Variants in RSPH14 observed in about 807,000 individuals in gnomAD.
RSPH14 encodes rhabdoid tumor deletion region gene 1.
In RSPH14, 20 loss-of-function variants were observed where a neutral mutation model predicts 26.7. The observed-to-expected ratio is 0.75, with a 90% CI of 0.53 to 1.09. RSPH14 has a LOEUF of 1.09. Ranked by LOEUF, RSPH14 falls within the 50% of genes least tolerant of loss-of-function variation. RSPH14 has a pLI of 0.00. For missense variants in RSPH14, 449 were observed against 457.2 expected (o/e 0.98, Z 0.16); for synonymous variants, 177 against 189.3 (o/e 0.93, Z 0.53).
chr22:23,065,404 C>A (rs2068184853), intron 4 of RSPH14, among the ~76,000 whole-genome samples: 1 of 152,080 alleles, frequency 6.6e-6, no homozygotes, highest in Non-Finnish European at 1.5e-5. Context: ...CCCTGGCCAG[C>A]TTCTCACTGT....
chr22:23,156,466 G>T, the RSPH14 span, among the ~76,000 whole-genome samples: 1 of 152,190 alleles, frequency 6.6e-6, no homozygotes, highest in African/African-American at 2.4e-5. Context: ...GGCCAGCAGG[G>T]CCGGATGCTC....
In RSPH14 at chr22:23,138,883, T is replaced by C. The variant is rs1392882503; in HGVS notation, c.259A>G (p.Thr87Ala). 6.4e-7 allele frequency: 1 copy of C among 1,550,482 alleles called. No individual in the cohort carries two copies. Among genetic ancestry groups the C allele is most frequent in the African/African-American group, 1.4e-5 (1 of 72,610 alleles). ...KDSNSMVRIK[T>A]TEVLHITASH... Reference sequence around the variant, plus strand: ...GCCGTGATGTGGAGCACCTCGGTGGTCTTTATGCGCACCATACTGTTGCTA... The same window carrying C: ...GCCGTGATGTGGAGCACCTCGGTGGCCTTTATGCGCACCATACTGTTGCTA... The change falls in exon 3 of 7, where the codon ACC becomes GCC. Residue 87 changes from threonine to alanine, a missense_variant. By Grantham distance (58) the Thr-to-Ala change is moderately conservative. Coordinates refer to ENST00000216036, the MANE Select transcript of RSPH14 (RefSeq NM_014433.3).
the RSPH14 span, chr22:23,180,591 C>CGGCGGCGGCGGCGGCGGCGGCGGCG: frequency 7.3e-5 from 2 of 27,550 alleles, no homozygotes; most frequent in African/African-American, 3.3e-3. Context: ...GCGGCGGCGG[C>CGGCGGCGGCGGCGGCGGCGGCGGCG]ACGGCGGCGG....
intron 4 of RSPH14, among the ~76,000 whole-genome samples, chr22:23,121,673 C>T (rs2070027682): frequency 6.6e-6 from 1 of 151,586 alleles, no homozygotes; most frequent in Non-Finnish European, 1.5e-5. Flanking sequence ...GCAGTTACCA[C>T]TTGCATTACC....
At chr22:23,172,211 G>C in the RSPH14 span, among the ~76,000 whole-genome samples, 5 of 152,186 alleles carry the variant, frequency 3.3e-5, no homozygotes, top group Admixed American at 2.6e-4. Context: ...TTTTCAGACA[G>C]CGTCTGGTTC....
intron 4 of RSPH14, among the ~76,000 whole-genome samples, chr22:23,065,442 CCT>C (rs1381893834): frequency 6.2e-5 from 9 of 146,064 alleles, no homozygotes; most frequent in Non-Finnish European, 3.0e-5. Context: ...CTAGATCTGC[CCT>C]GTTTGTTCTC....
chr22:23,105,520 C>T (rs947549019), intron 4 of RSPH14, among the ~76,000 whole-genome samples: 11 of 152,204 alleles, frequency 7.2e-5, no homozygotes, highest in Non-Finnish European at 1.3e-4. Context: ...GCAGTGCCAG[C>T]GGCTAGGAGT....
rs545890578 is a variant in RSPH14, at chr22:23,141,955, C to G, written c.-59G>C. ...CCCACCACCGCCGCCTCACCTGCCT[C>G]CGCAGCCCTTTCTGCTTCCAGTAGC... On this transcript the variant is annotated 5_prime_UTR_variant, in exon 1 of 7. Coordinates refer to ENST00000216036, the MANE Select transcript of RSPH14 (RefSeq NM_014433.3). The G allele has an allele frequency of 1.8e-5, 18 of 985,690 alleles. No individual in the cohort carries two copies. In the African/African-American group the frequency reaches 3.0e-4, roughly 16 times the overall value. 61.1% of individuals were successfully genotyped at this position (985,690 alleles called of 1,614,324 possible).
chr22:23,160,963 G>A, the RSPH14 span: 2 of 1,613,260 alleles, frequency 1.2e-6, no homozygotes, highest in South Asian at 2.2e-5. Context: ...AGGCAGAGCA[G>A]TGCCCGGCTC....
At chr22:23,129,138 A>G (rs2070249161) in intron 4 of RSPH14, among the ~76,000 whole-genome samples, 1 of 152,002 alleles carries the variant, frequency 6.6e-6, no homozygotes. Context: ...GAGGCCCATG[A>G]AGGACACCAC....
At chr22:23,060,744 C>T (rs2146204320) in intron 6 of RSPH14, among the ~76,000 whole-genome samples, 1 of 152,270 alleles carries the variant, frequency 6.6e-6, no homozygotes, top group African/African-American at 2.4e-5. Context: ...TGTGTTTGCC[C>T]CACCCATGCT....
chr22:23,176,401 A>C, the RSPH14 span, among the ~76,000 whole-genome samples: 1 of 152,216 alleles, frequency 6.6e-6, no homozygotes, highest in East Asian at 1.9e-4. Context: ...TGCTTGATAC[A>C]CCGCTTCCTT....
the RSPH14 span, chr22:23,159,031 C>G: frequency 6.3e-7 from 1 of 1,594,384 alleles, no homozygotes; most frequent in Non-Finnish European, 8.6e-7. Context: ...AATGCCTCCC[C>G]TTACAGCCCT....
intron 4 of RSPH14, among the ~76,000 whole-genome samples, chr22:23,130,494 G>GAAAGAAAGAA (rs1555939819): frequency 6.5e-4 from 6 of 9,266 alleles, no homozygotes; most frequent in Non-Finnish European, 2.3e-4. Context: ...AAGAAGGAAA[G>GAAAGAAAGAA]AAAAAGAAAG....
the RSPH14 span, chr22:23,162,397 C>T: frequency 2.9e-6 from 1 of 347,658 alleles, no homozygotes; most frequent in South Asian, 2.2e-5. Flanking sequence ...GAACATGGCA[C>T]TGCCCTCCTC....
upstream of RSPH14, chr22:23,142,122 G>C (rs1007973173): frequency 3.8e-5 from 29 of 765,690 alleles, no homozygotes; most frequent in East Asian, 1.3e-4. Flanking sequence ...GCTGCAAAGC[G>C]GGAACAATCA....
At chr22:23,140,540 C>G (rs2070577861) in intron 1 of RSPH14, 68 bp from the exon 2 acceptor site, 1 of 1,461,478 alleles carries the variant, frequency 6.8e-7, no homozygotes, top group Non-Finnish European at 9.1e-7. Flanking sequence ...TCTGATCCTC[C>G]AAACTGTGAG....
intron 2 of RSPH14, among the ~76,000 whole-genome samples, chr22:23,139,554 GAGGTTTC>G (rs2146454688): frequency 6.6e-6 from 1 of 152,356 alleles, no homozygotes; most frequent in Admixed American, 6.5e-5. Context: ...CCAAGAGGCG[GAGGTTTC>G]AGTGAGCCAA....
chr22:23,139,282 G>A (rs1161630298), intron 2 of RSPH14, among the ~76,000 whole-genome samples: 3 of 152,234 alleles, frequency 2.0e-5, no homozygotes, highest in Non-Finnish European at 1.5e-5. Context: ...CTAGTCATAT[G>A]ACTTTGAGTG....
Sources: gnomAD v4.1 joint callset for allele counts (sites outside exome capture counted in the v4.1 genomes callset) on GRCh38, gnomAD v4.1.1 for gene constraint, MANE v1.5 for transcripts, NCBI Gene and HGNC (gene_info 2026-07-23, HGNC 2026-07-21) for gene names.